The following FAM184A variants were observed in gnomAD, a reference collection of about 807,000 sequenced individuals.
FAM184A encodes the protein protein FAM184A.
FAM184A carries 99 observed loss-of-function variants against 143.8 expected under a neutral mutation model. The observed-to-expected ratio is 0.69, with a 90% CI of 0.58 to 0.81. The LOEUF is 0.81. Among genes scored for constraint, FAM184A ranks in the 40% least tolerant of loss-of-function variants. The pLI is 0.00. For synonymous variants in FAM184A, 427 were observed against 446.4 expected, an observed-to-expected ratio of 0.96 and a Z score of 0.55; for missense variants, 1,217 against 1,310.5, an observed-to-expected ratio of 0.93 and a Z score of 1.10.
rs1784232838 is a variant in FAM184A, at chr6:118,987,589, T to C, written c.2089-7239A>G. ...GGAAAGGGATTTACTCTATTTTGCT[T>C]TTCATCTGTTGATAATTATAACATT... On this transcript the variant is annotated intron_variant, in intron 9 of 17. Coordinates refer to ENST00000338891, the MANE Select transcript of FAM184A (RefSeq NM_024581.6). 2.6e-5 allele frequency among the ~76,000 whole-genome samples: 4 copies of C among 152,224 alleles called. No individual in the cohort carries two copies. The South Asian group carries it at 8.3e-4, about 31-fold the overall frequency.
intron 1 of FAM184A, among the ~76,000 whole-genome samples, chr6:119,070,935 T>C (rs936855579): frequency 3.3e-5 from 5 of 151,860 alleles, no homozygotes; most frequent in Non-Finnish European, 5.9e-5. Context: ...ACAAGATCAA[T>C]TGAAAGGGCA....
intron 1 of FAM184A, among the ~76,000 whole-genome samples, chr6:119,048,872 T>C (rs1786636087): frequency 6.6e-6 from 1 of 152,038 alleles, no homozygotes; most frequent in Admixed American, 6.6e-5. Context: ...CACAAACAAA[T>C]GAGAACACAT....
At chr6:119,038,273 G>A (rs1175504925) in intron 1 of FAM184A, among the ~76,000 whole-genome samples, 1 of 152,202 alleles carries the variant, frequency 6.6e-6, no homozygotes, top group African/African-American at 2.4e-5. Context: ...TGGACACAGA[G>A]TGTCAGAGGC....
chr6:118,967,444 T>A (rs542653910), intron 14 of FAM184A, among the ~76,000 whole-genome samples: 9 of 152,302 alleles, frequency 5.9e-5, no homozygotes, highest in East Asian at 1.9e-4. Flanking sequence ...TATGACGTCA[T>A]TTTTTCCTGG....
intron 11 of FAM184A, among the ~76,000 whole-genome samples, chr6:118,978,361 G>A (rs900848164): frequency 6.6e-6 from 1 of 152,228 alleles, no homozygotes; most frequent in Non-Finnish European, 1.5e-5. Context: ...CCCTGACAAA[G>A]CTGTGGAATG....
chr6:119,075,885 G>C (rs185898060), intron 1 of FAM184A, among the ~76,000 whole-genome samples: 1 of 152,132 alleles, frequency 6.6e-6, no homozygotes, highest in Non-Finnish European at 1.5e-5. Context: ...TATAAAGAAA[G>C]CAAGTCTTAT....
chr6:118,998,462 T>A (rs1784641575), intron 9 of FAM184A, among the ~76,000 whole-genome samples: 1 of 152,154 alleles, frequency 6.6e-6, no homozygotes, highest in Non-Finnish European at 1.5e-5. Flanking sequence ...AACTTACATG[T>A]GAATAGGTGA....
chr6:118,966,111 G>A (rs1783494513), intron 15 of FAM184A, among the ~76,000 whole-genome samples: 1 of 152,164 alleles, frequency 6.6e-6, no homozygotes, highest in Non-Finnish European at 1.5e-5. Context: ...TCTCCTAAAT[G>A]CAAACAGAGA....
intron 1 of FAM184A, among the ~76,000 whole-genome samples, chr6:119,116,281 A>T (rs954659348): frequency 7.9e-5 from 12 of 152,052 alleles, no homozygotes; most frequent in Non-Finnish European, 1.5e-4. Flanking sequence ...GCATGTCCTC[A>T]TTTATAAGTG....
chr6:119,093,806 C>G (rs1788432925), intron 1 of FAM184A, among the ~76,000 whole-genome samples: 1 of 152,152 alleles, frequency 6.6e-6, no homozygotes, highest in Non-Finnish European at 1.5e-5. Flanking sequence ...CTCACAGAGG[C>G]CTTCATCCCA....
chr6:119,124,198 C>G (rs1789298251), intron 1 of FAM184A, among the ~76,000 whole-genome samples: 1 of 152,112 alleles, frequency 6.6e-6, no homozygotes, highest in African/African-American at 2.4e-5. Context: ...TCTTTTGTTT[C>G]ATTTGGTTTA....
intron 1 of FAM184A, among the ~76,000 whole-genome samples, chr6:119,110,074 A>G (rs955738637): frequency 1.3e-5 from 2 of 152,146 alleles, no homozygotes; most frequent in African/African-American, 2.4e-5. Context: ...GCTTTAACTC[A>G]ATAAGGAAAT....
At chr6:118,999,886 C>T (rs1247150195) in intron 9 of FAM184A, among the ~76,000 whole-genome samples, 1 of 152,214 alleles carries the variant, frequency 6.6e-6, no homozygotes, top group Non-Finnish European at 1.5e-5. Flanking sequence ...TTACTCAGTA[C>T]AAACTGCTTG....
intron 1 of FAM184A, among the ~76,000 whole-genome samples, chr6:119,045,235 G>C (rs1266419667): frequency 6.7e-6 from 1 of 150,236 alleles, no homozygotes; most frequent in Admixed American, 6.6e-5. Context: ...AAATAAATGA[G>C]AAAAGGAAGG....
chr6:118,970,340 G>A (rs1783659203), intron 14 of FAM184A, among the ~76,000 whole-genome samples: 1 of 151,692 alleles, frequency 6.6e-6, no homozygotes, highest in Non-Finnish European at 1.5e-5. Context: ...CATAACTTAT[G>A]TTCATTACTC....
At chr6:119,106,819 A>G (rs544281681) in intron 1 of FAM184A, among the ~76,000 whole-genome samples, 1 of 152,228 alleles carries the variant, frequency 6.6e-6, no homozygotes. Flanking sequence ...TTTATTTCAC[A>G]CTACAAAAAG....
intron 1 of FAM184A, among the ~76,000 whole-genome samples, chr6:119,063,844 G>A (rs991973339): frequency 2.6e-5 from 4 of 151,958 alleles, no homozygotes; most frequent in East Asian, 1.9e-4. Flanking sequence ...ACCAGCCTCC[G>A]GGTCACTGCC....
intron 6 of FAM184A, chr6:119,011,072 A>G (rs1168733625): frequency 2.7e-6 from 1 of 369,636 alleles, no homozygotes. Flanking sequence ...ATGTGGTGAT[A>G]TTCTGTTTTG....
In FAM184A at chr6:118,975,172, C is replaced by T. The variant is rs759140182; in HGVS notation, c.2620G>A (p.Glu874Lys). 2.5e-6 allele frequency: 4 copies of T among 1,607,862 alleles called. No homozygotes were observed. The highest frequency in any genetic ancestry group is 1.3e-5 in the African/African-American group (1 of 74,538). Residue 874 changes from glutamate to lysine, a missense_variant, in exon 13 of 18, where the codon GAG becomes AAG. Transcript: ENST00000338891. Reference sequence around the variant, plus strand: ...TGATGCTCTCTGTGTCTTAATTCCTCTTGTAGATCTGTAATTCTACATATG... The same window carrying T: ...TGATGCTCTCTGTGTCTTAATTCCTTTTGTAGATCTGTAATTCTACATATG... Reference protein sequence around the residue: ...EHICRITDLQEELRHREHHIS... With the variant: ...EHICRITDLQKELRHREHHIS...
Sources: gnomAD v4.1 joint callset for allele counts (sites outside exome capture counted in the v4.1 genomes callset) on GRCh38, gnomAD v4.1.1 for gene constraint, MANE v1.5 for transcripts, NCBI Gene and HGNC (gene_info 2026-07-23, HGNC 2026-07-21) for gene names.